Variants in ASIC2 observed in about 807,000 individuals in gnomAD.
ASIC2 encodes acid-sensing ion channel 2.
In ASIC2, 25 loss-of-function variants were observed where a neutral mutation model predicts 57.3. The observed-to-expected ratio is 0.44, with a 90% CI of 0.32 to 0.61. The LOEUF (loss-of-function observed/expected upper bound fraction) is 0.61. Ranked by LOEUF, ASIC2 falls within the 20% of genes least tolerant of loss-of-function variation. The pLI is 0.06. For synonymous variants in ASIC2, 319 were observed against 307.5 expected (o/e 1.04, Z -0.39); for missense variants, 641 against 738.1 (o/e 0.87, Z 1.52).
At chr17:34,048,488 T>G (rs1036566783) in intron 1 of ASIC2, among the ~76,000 whole-genome samples, 4 of 152,236 alleles carry the variant, frequency 2.6e-5, no homozygotes, top group Non-Finnish European at 4.4e-5. Flanking sequence ...TTTTCAGCAC[T>G]GCTGCTGAAG....
intron 1 of ASIC2, among the ~76,000 whole-genome samples, chr17:33,710,807 C>T (rs1248507874): frequency 6.6e-6 from 1 of 152,112 alleles, no homozygotes; most frequent in Non-Finnish European, 1.5e-5. Flanking sequence ...CAGGAGTTAT[C>T]ATGTTATAAG....
intron 3 of ASIC2, among the ~76,000 whole-genome samples, chr17:33,037,168 C>A (rs962972869): frequency 3.3e-5 from 5 of 149,584 alleles, no homozygotes; most frequent in Non-Finnish European, 7.4e-5. Flanking sequence ...GGATCCCCTA[C>A]ATTGCTCAAT....
At chr17:33,398,562 G>A (rs1193143705) in intron 1 of ASIC2, among the ~76,000 whole-genome samples, 1 of 151,904 alleles carries the variant, frequency 6.6e-6, no homozygotes, top group African/African-American at 2.4e-5. Flanking sequence ...GGGGATGATG[G>A]CAGTGATGAT....
At chr17:34,018,101 C>T (rs965648055) in intron 1 of ASIC2, among the ~76,000 whole-genome samples, 14 of 152,166 alleles carry the variant, frequency 9.2e-5, no homozygotes, top group African/African-American at 3.4e-4. Flanking sequence ...CTTCAATGAA[C>T]AGGCTGACTC....
chr17:33,866,438 AT>A lies in ASIC2; in HGVS notation c.555+289539del, dbSNP rs995724081. Among the ~76,000 whole-genome samples, 28 of 151,458 alleles carry A rather than the reference AT, an allele frequency of 1.8e-4. 1 individual carries two copies. Among genetic ancestry groups the A allele is most frequent in the Admixed American group, 1.1e-3 (17 of 15,202 alleles). ...TTTGATTGTTTTCAACCCCCCACAT[AT>A]TTTTTTTTGAAAAAACAATGCTTCC... On this transcript the variant is annotated intron_variant, in intron 1 of 9. Coordinates refer to the ASIC2 transcript ENST00000359872.
At chr17:33,944,425 G>A (rs1449841687) in intron 1 of ASIC2, among the ~76,000 whole-genome samples, 6 of 152,180 alleles carry the variant, frequency 3.9e-5, no homozygotes, top group Non-Finnish European at 8.8e-5. Context: ...ATGCACCAAA[G>A]CATCCATGGT....
chr17:34,109,894 C>T (rs1022743685), intron 1 of ASIC2, among the ~76,000 whole-genome samples: 3 of 151,814 alleles, frequency 2.0e-5, no homozygotes, highest in Non-Finnish European at 4.4e-5. Flanking sequence ...ATCTATCTAT[C>T]GTGATACTGT....
At chr17:34,125,385 G>C (rs1161291863) in intron 1 of ASIC2, among the ~76,000 whole-genome samples, 1 of 152,142 alleles carries the variant, frequency 6.6e-6, no homozygotes. Context: ...TCATAATCTT[G>C]ATCAGAAGAC....
chr17:33,476,560 T>G (rs1200335700), intron 1 of ASIC2, among the ~76,000 whole-genome samples: 1 of 150,230 alleles, frequency 6.7e-6, no homozygotes, highest in Admixed American at 6.6e-5. Context: ...TGTGTGTGTG[T>G]GTGTGTGTGT....
chr17:33,070,668 A>C (rs1283074304), intron 3 of ASIC2, among the ~76,000 whole-genome samples: 1 of 152,100 alleles, frequency 6.6e-6, no homozygotes, highest in South Asian at 2.1e-4. Flanking sequence ...AAAAACCACA[A>C]TTAATACAAT....
intron 1 of ASIC2, among the ~76,000 whole-genome samples, chr17:33,631,067 G>C (rs1261204015): frequency 2.0e-5 from 3 of 152,208 alleles, no homozygotes; most frequent in African/African-American, 7.2e-5. Flanking sequence ...TGGGTAAGGA[G>C]CAAGTGGAAG....
chr17:33,989,147 A>T (rs1436803184), intron 1 of ASIC2, among the ~76,000 whole-genome samples: 1 of 152,118 alleles, frequency 6.6e-6, no homozygotes, highest in Non-Finnish European at 1.5e-5. Flanking sequence ...TTAGTGAGAC[A>T]TGATGTTAAA....
intron 1 of ASIC2, among the ~76,000 whole-genome samples, chr17:33,323,092 CA>C (rs1236643731): frequency 6.6e-6 from 1 of 152,098 alleles, no homozygotes; most frequent in Non-Finnish European, 1.5e-5. Context: ...GGTAGGAGTG[CA>C]AATTAGTACA....
intron 1 of ASIC2, among the ~76,000 whole-genome samples, chr17:33,264,609 C>G (rs929859788): frequency 4.6e-5 from 7 of 152,220 alleles, no homozygotes; most frequent in Non-Finnish European, 8.8e-5. Context: ...TCTCATCTCA[C>G]TCCTGATGAA....
chr17:33,122,311 A>T (rs2092305532), intron 1 of ASIC2, among the ~76,000 whole-genome samples: 1 of 152,196 alleles, frequency 6.6e-6, no homozygotes, highest in Admixed American at 6.5e-5. Flanking sequence ...CGAGGCTGCC[A>T]CGTTCGGTGG....
chr17:33,658,183 G>C (rs1907136031), intron 1 of ASIC2, among the ~76,000 whole-genome samples: 1 of 152,190 alleles, frequency 6.6e-6, no homozygotes, highest in Non-Finnish European at 1.5e-5. Flanking sequence ...TGAGCCCAGA[G>C]CACAGTGAAA....
At chr17:33,879,174 T>C (rs1284251634) in intron 1 of ASIC2, among the ~76,000 whole-genome samples, 1 of 152,122 alleles carries the variant, frequency 6.6e-6, no homozygotes, top group Non-Finnish European at 1.5e-5. Context: ...TAAAGACTAC[T>C]GAGGCTAGGA....
chr17:33,212,628 A>G (rs1428688341), intron 1 of ASIC2, among the ~76,000 whole-genome samples: 2 of 152,226 alleles, frequency 1.3e-5, no homozygotes, highest in African/African-American at 4.8e-5. Context: ...TCAAGACATC[A>G]ATATGAGAAA....
chr17:33,994,440 A>C (rs1906092835), intron 1 of ASIC2, among the ~76,000 whole-genome samples: 1 of 152,118 alleles, frequency 6.6e-6, no homozygotes, highest in Non-Finnish European at 1.5e-5. Context: ...GGCCAGATGA[A>C]TTTCCTGACC....
Sources: gnomAD v4.1 joint callset for allele counts (sites outside exome capture counted in the v4.1 genomes callset) on GRCh38, gnomAD v4.1.1 for gene constraint, MANE v1.5 for transcripts, NCBI Gene and HGNC (gene_info 2026-07-23, HGNC 2026-07-21) for gene names.